ARID1B: variants seen among roughly 807,000 people sequenced by gnomAD.
ARID1B encodes AT-rich interaction domain 1B, also known as AT-rich interactive domain-containing protein 1B.
In ARID1B, 30 loss-of-function variants were observed where a neutral mutation model predicts 212.3. That is an observed-to-expected ratio of 0.14 (90% confidence interval 0.11 to 0.19). The LOEUF is 0.19. Among genes scored for constraint, ARID1B ranks in the 10% least tolerant of loss-of-function variants. The pLI is 1.00. For synonymous variants in ARID1B, 1,402 were observed against 1,301.7 expected, an observed-to-expected ratio of 1.08 and a Z score of -1.66; for missense variants, 2,891 against 3,204.0, an observed-to-expected ratio of 0.90 and a Z score of 2.36.
intron 3 of ARID1B, among the ~76,000 whole-genome samples, chr6:156,925,165 T>C (rs540098946): frequency 6.6e-6 from 1 of 152,302 alleles, no homozygotes; most frequent in African/African-American, 2.4e-5. Flanking sequence ...TTCTTCCATA[T>C]CCCCTCAGGG....
Position 156,818,872 on chromosome 6 carries a change from T to G in ARID1B, c.1792-10355T>G, listed in dbSNP as rs1337835106. ...GCACATTGATGGAGGAGTAGAGGGT[T>G]TCCATGCCTCATTGATTATTCTGGA... On this transcript the variant is annotated intron_variant, in intron 1 of 19. Transcript: ENST00000636930. Among the ~76,000 whole-genome samples, 3 of 152,124 alleles carry G rather than the reference T, an allele frequency of 2.0e-5. No individual in the cohort carries two copies. In the East Asian group the frequency reaches 5.8e-4, roughly 29 times the overall value.
At chr6:156,934,778 G>T (rs1251072081) in intron 3 of ARID1B, among the ~76,000 whole-genome samples, 1 of 151,274 alleles carries the variant, frequency 6.6e-6, no homozygotes, top group African/African-American at 2.4e-5. Flanking sequence ...GGTTTGCTCT[G>T]GGTTCACTCT....
chr6:156,920,141 G>A (rs1350893152), intron 3 of ARID1B, among the ~76,000 whole-genome samples: 2 of 152,234 alleles, frequency 1.3e-5, no homozygotes, highest in Non-Finnish European at 2.9e-5. Context: ...TAGAACTGGC[G>A]CTCTCCGAGC....
intron 3 of ARID1B, among the ~76,000 whole-genome samples, chr6:156,914,921 T>C (rs1427305006): frequency 1.3e-5 from 2 of 152,188 alleles, no homozygotes; most frequent in Non-Finnish European, 2.9e-5. Context: ...ATAATGTGTG[T>C]GGTTTCACCT....
intron 6 of ARID1B, among the ~76,000 whole-genome samples, chr6:157,126,429 T>G (rs535309118): frequency 1.3e-5 from 2 of 152,108 alleles, no homozygotes; most frequent in African/African-American, 4.8e-5. Context: ...ATTTTTCTTT[T>G]GCTTGATTTT....
chr6:157,023,999 G>C (rs796478282), intron 4 of ARID1B: 18 of 152,330 alleles, frequency 1.2e-4, no homozygotes, highest in African/African-American at 4.3e-4. Context: ...TAGTGAATTT[G>C]TATTAAAAAT....
chr6:157,208,717 T>A lies in ARID1B; in HGVS notation c.*826T>A. 1 of 160,846 alleles carries A rather than the reference T, an allele frequency of 6.2e-6. No homozygotes were observed. The allele number at this position is 160,846 out of a possible 1,614,324, so 10.0% of individuals were successfully genotyped here. A position where few individuals can be genotyped will look rare whatever the true frequency, so the allele number is the denominator to read the frequency against. On this transcript the variant is annotated 3_prime_UTR_variant, in exon 20 of 20. Transcript: ENST00000636930. ...ACATACCCTCATTTTTTTCTTTTCT[T>A]TTTTTTTTTTTTTTTTAGTACAAAG...
chr6:156,891,424 TAGAC>T (rs141327460), intron 2 of ARID1B, among the ~76,000 whole-genome samples: 3,010 of 152,304 alleles, frequency 0.02, 77 homozygotes, highest in African/African-American at 0.062. Context: ...TGATAACTCT[TAGAC>T]AGCAGCAGTA....
intron 2 of ARID1B, chr6:156,871,524 C>T: frequency 1.7e-6 from 2 of 1,164,994 alleles, no homozygotes; most frequent in Non-Finnish European, 2.5e-6. Flanking sequence ...TGCTCAAGGT[C>T]ACCTAATTAA....
In ARID1B at chr6:157,201,060, C is replaced by T; in HGVS notation, c.4835C>T (p.Pro1612Leu). Residue 1612 changes from proline to leucine, a missense_variant, in exon 18 of 20, where the codon CCT becomes CTT. By Grantham distance (98) the Pro-to-Leu change is moderately conservative. Around this residue, in one of 7 missense-constraint regions of ARID1B, gnomAD observed 666 missense variants for 873.5 expected, o/e 0.76. Coordinates refer to ENST00000636930, the MANE Select transcript of ARID1B (RefSeq NM_001374828.1). The surrounding 1 kb of genome is among the most constrained non-coding windows in gnomAD (Gnocchi z 5.2). ...QGPGGPTQAP[P>L]YPGMNRTDDM... Reference sequence around the variant, plus strand: ...CCTGGCGGCCCTACACAGGCGCCCCCTTACCCAGGCATGAACCGCACAGAC... The same window carrying T: ...CCTGGCGGCCCTACACAGGCGCCCCTTTACCCAGGCATGAACCGCACAGAC... The T allele has an allele frequency of 4.3e-6, 7 of 1,613,960 alleles. No individual in the cohort carries two copies. The highest frequency in any genetic ancestry group is 1.7e-5 in the Admixed American group (1 of 60,018).
intron 1 of ARID1B, among the ~76,000 whole-genome samples, chr6:156,799,500 A>T (rs149035033): frequency 6.6e-6 from 1 of 152,186 alleles, no homozygotes. Flanking sequence ...ATATTTGGAC[A>T]CGGAGTCTTG....
rs112335984 is a variant in ARID1B at position 156,967,838 on chromosome 6, G to A, written c.2247+32262G>A. ...GGGGGTTTCTGTGTATATTGAAATT[G>A]GTGATAAGATTTGCAAGGAACTTTG... On this transcript the variant is annotated intron_variant, in intron 4 of 19. Transcript: ENST00000636930. 6.3e-3 allele frequency among the ~76,000 whole-genome samples: 966 copies of A among 152,276 alleles called. 14 individuals carry two copies. Among genetic ancestry groups the A allele is most frequent in the African/African-American group, 0.022 (927 of 41,552 alleles).
At chr6:157,065,969 C>T (rs1041263539) in intron 4 of ARID1B, among the ~76,000 whole-genome samples, 2 of 152,126 alleles carry the variant, frequency 1.3e-5, no homozygotes, top group African/African-American at 4.8e-5. Flanking sequence ...CCACCAGGAC[C>T]CCAAAAGCCC....
At chr6:156,888,912 T>C (rs1332052095) in intron 2 of ARID1B, among the ~76,000 whole-genome samples, 1 of 152,228 alleles carries the variant, frequency 6.6e-6, no homozygotes, top group African/African-American at 2.4e-5. Flanking sequence ...AAAATACTTA[T>C]TTTTTAATTT....
intron 7 of ARID1B, among the ~76,000 whole-genome samples, chr6:157,143,705 G>A (rs1040315774): frequency 6.6e-6 from 1 of 152,216 alleles, no homozygotes; most frequent in African/African-American, 2.4e-5. Context: ...AGATGCTGAA[G>A]CCTGTGCTTT....
intron 3 of ARID1B, among the ~76,000 whole-genome samples, chr6:156,904,780 C>G (rs558686442): frequency 6.6e-6 from 1 of 152,224 alleles, no homozygotes; most frequent in African/African-American, 2.4e-5. Context: ...TGATGGATCA[C>G]AGTCAGAACA....
chr6:157,004,335 A>G (rs1313019727), intron 4 of ARID1B, among the ~76,000 whole-genome samples: 1 of 150,244 alleles, frequency 6.7e-6, no homozygotes, highest in Non-Finnish European at 1.5e-5. Context: ...TGCCTTGTAA[A>G]TTATATGTTT....
At position 156,887,603 on chromosome 6, in the gene ARID1B, C is replaced by T. The variant is rs1313195325; in HGVS notation, c.1987-13773C>T. Among the ~76,000 whole-genome samples the T allele has an allele frequency of 2.6e-5, 4 of 151,838 alleles. No homozygotes were observed. The South Asian group carries it at 6.2e-4, about 24-fold the overall frequency. ...GCTTGGCATTTTCTTCTGTTTTCAT[C>T]AGCTTAGTTACAAAAATCATTTTGA... On this transcript the variant is annotated intron_variant, in intron 2 of 19. Coordinates refer to ENST00000636930, the MANE Select transcript of ARID1B (RefSeq NM_001374828.1).
In ARID1B at chr6:157,104,837, TAGTG is replaced by T. The variant is rs1332355184; in HGVS notation, c.2492-5632_2492-5629del. On this transcript the variant is annotated intron_variant, in intron 5 of 19. Transcript: ENST00000636930. ...TTCAGTCCAATTGCTGTGAAAATAT[TAGTG>T]AGCTATTTTATATGGTTGGACAGGT... 5.9e-5 allele frequency among the ~76,000 whole-genome samples: 9 copies of T among 152,222 alleles called. No individual in the cohort carries two copies. The South Asian group carries it at 8.3e-4, about 14-fold the overall frequency.
Sources: gnomAD v4.1 joint callset for allele counts (sites outside exome capture counted in the v4.1 genomes callset) on GRCh38, gnomAD v4.1.1 for gene constraint, gnomAD v4.1.1 regional missense constraint, Gnocchi (gnomAD v3.1) non-coding constraint, MANE v1.5 for transcripts, NCBI Gene and HGNC (gene_info 2026-07-23, HGNC 2026-07-21) for gene names.